Variants in MLLT10 observed in about 807,000 individuals in gnomAD.
MLLT10 encodes protein AF-10.
In MLLT10, 30 loss-of-function variants were observed where a neutral mutation model predicts 129.1. The ratio of observed to expected loss-of-function variants is 0.23; its 90% confidence interval spans 0.17 to 0.32. MLLT10 has a LOEUF of 0.32. Ranked by LOEUF, MLLT10 falls within the 10% of genes least tolerant of loss-of-function variation. The pLI, the probability that MLLT10 is intolerant of heterozygous loss-of-function variation, is 1.00. For synonymous variants in MLLT10, 490 were observed against 446.4 expected, an observed-to-expected ratio of 1.10 and a Z score of -1.23; for missense variants, 1,119 against 1,268.3, an observed-to-expected ratio of 0.88 and a Z score of 1.79.
At chr10:21,726,081 T>G (rs1396010741) in intron 14 of MLLT10, among the ~76,000 whole-genome samples, 163 bp from the exon 15 acceptor site, 2 of 152,114 alleles carry the variant, frequency 1.3e-5, no homozygotes, top group Non-Finnish European at 2.9e-5. Flanking sequence ...AATTGACATG[T>G]TGAATGGTAA....
intron 8 of MLLT10, among the ~76,000 whole-genome samples, chr10:21,647,020 T>C (rs547943503): frequency 1.1e-4 from 16 of 152,218 alleles, no homozygotes; most frequent in African/African-American, 3.1e-4. Context: ...CACGCCCGAC[T>C]AATCTTTTGT....
chr10:21,740,355 T>A, intron 22 of MLLT10, 119 bp downstream of exon 22: 1 of 1,111,358 alleles, frequency 9.0e-7, no homozygotes, highest in Admixed American at 2.4e-5. Flanking sequence ...CCAGTTGCTT[T>A]TAGCAGATGG....
chr10:21,561,991 A>G (rs192823225), intron 3 of MLLT10, among the ~76,000 whole-genome samples: 21 of 152,136 alleles, frequency 1.4e-4, no homozygotes, highest in Non-Finnish European at 2.5e-4. Context: ...TTTTTAGTAG[A>G]GACGGGGTTT....
At chr10:21,698,064 A>G (rs2054540835) in intron 13 of MLLT10, among the ~76,000 whole-genome samples, 1 of 152,202 alleles carries the variant, frequency 6.6e-6, no homozygotes, top group Non-Finnish European at 1.5e-5. Flanking sequence ...GTGTGTTGGC[A>G]ACATTTCAAG....
Position 21,712,314 on chromosome 10 carries a change from A to G in MLLT10, c.1700-1458A>G, listed in dbSNP as rs536766916. 2.6e-5 allele frequency among the ~76,000 whole-genome samples: 4 copies of G among 152,200 alleles called. No homozygotes were observed. In the East Asian group the frequency reaches 7.7e-4, roughly 29 times the overall value. ...CTACAACCTTGAACTTCCAGGCTCA[A>G]GTGATCCTCACACCTCAGTCCCCAA... On this transcript the variant is annotated intron_variant, in intron 13 of 22. Coordinates refer to ENST00000307729, the MANE Select transcript of MLLT10 (RefSeq NM_001195626.3).
intron 13 of MLLT10, 72 bp downstream of exon 13, chr10:21,682,329 G>A: frequency 1.5e-6 from 2 of 1,374,692 alleles, no homozygotes. Flanking sequence ...AATCTCGATT[G>A]AAAGCTAGCA....
chr10:21,686,938 G>T (rs532884674), intron 13 of MLLT10, among the ~76,000 whole-genome samples: 1 of 152,084 alleles, frequency 6.6e-6, no homozygotes, highest in East Asian at 1.9e-4. Context: ...AGGTGAGATC[G>T]CGCCACTGCA....
intron 3 of MLLT10, among the ~76,000 whole-genome samples, chr10:21,546,004 C>T (rs2036015787): frequency 6.6e-6 from 1 of 152,160 alleles, no homozygotes; most frequent in East Asian, 1.9e-4. Context: ...TGAATTACTG[C>T]AGGCTGCAGT....
At chr10:21,711,661 G>T (rs1040766760) in intron 13 of MLLT10, among the ~76,000 whole-genome samples, 13 of 151,582 alleles carry the variant, frequency 8.6e-5, no homozygotes, top group African/African-American at 2.7e-4. Context: ...CAGGAGGGTC[G>T]CTTGGCCCAG....
chr10:21,733,120 GAAA>G, intron 18 of MLLT10, 33 bp downstream of exon 18: 1 of 1,548,786 alleles, frequency 6.5e-7, no homozygotes. Context: ...TGTATCTAAG[GAAA>G]ATAGGCTTTC....
intron 8 of MLLT10, among the ~76,000 whole-genome samples, chr10:21,641,942 T>C (rs894077609): frequency 6.6e-6 from 1 of 152,198 alleles, no homozygotes; most frequent in African/African-American, 2.4e-5. Flanking sequence ...TTTTTTTGGC[T>C]TTTGCAGTCA....
At chr10:21,564,942 A>G (rs566861035) in intron 3 of MLLT10, among the ~76,000 whole-genome samples, 3 of 152,260 alleles carry the variant, frequency 2.0e-5, no homozygotes, top group South Asian at 2.1e-4. Flanking sequence ...CTATGAATAT[A>G]TGTATAGTTT....
chr10:21,566,835 C>T (rs1422996521), intron 3 of MLLT10, among the ~76,000 whole-genome samples: 6 of 149,576 alleles, frequency 4.0e-5, no homozygotes, highest in Admixed American at 1.3e-4. Context: ...TTTTTTGATA[C>T]GAAGTTTCGC....
Position 21,538,859 on chromosome 10 carries a change from A to C in MLLT10, c.187A>C (p.Thr63Pro). The C allele has an allele frequency of 6.2e-7, 1 of 1,613,600 alleles. No individual in the cohort carries two copies. Among genetic ancestry groups the C allele is most frequent in the East Asian group, 2.2e-5 (1 of 44,862 alleles). ...TTGCTATGGCATTGTTCAAGTACCC[A>C]CTGGACCGTGGTTTTGCAGGAAATG... The part of the protein sequence containing the change: ...QACYGIVQVP[T>P]GPWFCRKCES... The change falls in exon 3 of 23, where the codon ACT becomes CCT. Residue 63 changes from threonine to proline, a missense_variant. Around this residue, in one of 5 missense-constraint regions of MLLT10, gnomAD observed 33 missense variants for 76.9 expected, o/e 0.43. Coordinates refer to ENST00000307729, the MANE Select transcript of MLLT10 (RefSeq NM_001195626.3).
chr10:21,628,149 A>G (rs993475484), intron 8 of MLLT10, among the ~76,000 whole-genome samples: 25 of 152,074 alleles, frequency 1.6e-4, no homozygotes, highest in African/African-American at 6.0e-4. Context: ...TCTGCCTACT[A>G]CCTGATTCCA....
intron 3 of MLLT10, among the ~76,000 whole-genome samples, chr10:21,572,942 T>C (rs561951694): frequency 2.5e-4 from 38 of 152,256 alleles, no homozygotes; most frequent in African/African-American, 7.7e-4. Context: ...TGTCTTTTTT[T>C]TGATGCTATT....
intron 8 of MLLT10, among the ~76,000 whole-genome samples, chr10:21,649,607 CAT>C (rs1805135960): frequency 6.6e-6 from 1 of 152,208 alleles, no homozygotes; most frequent in African/African-American, 2.4e-5. Flanking sequence ...GTCTTATTCA[CAT>C]GTCTGGCGCC....
chr10:21,581,379 C>G (rs1234580928), intron 3 of MLLT10, among the ~76,000 whole-genome samples: 2 of 151,486 alleles, frequency 1.3e-5, no homozygotes, highest in Non-Finnish European at 1.5e-5. Context: ...AAAGGTACAG[C>G]TAAAATAATG....
intron 14 of MLLT10, among the ~76,000 whole-genome samples, chr10:21,715,567 A>G (rs919100994): frequency 3.3e-5 from 5 of 152,212 alleles, no homozygotes; most frequent in Admixed American, 6.5e-5. Flanking sequence ...TCTCACATGA[A>G]CATTTTCAAT....
Sources: gnomAD v4.1 joint callset for allele counts (sites outside exome capture counted in the v4.1 genomes callset) on GRCh38, gnomAD v4.1.1 for gene constraint, gnomAD v4.1.1 regional missense constraint, MANE v1.5 for transcripts, NCBI Gene and HGNC (gene_info 2026-07-23, HGNC 2026-07-21) for gene names.